Variants in RPS6KB2 observed in about 807,000 individuals in gnomAD.
RPS6KB2 encodes the protein ribosomal protein S6 kinase B2.
RPS6KB2 carries 51 observed loss-of-function variants against 58.2 expected under a neutral mutation model. That is an observed-to-expected ratio of 0.88 (90% CI 0.70 to 1.11). The LOEUF (loss-of-function observed/expected upper bound fraction) is 1.11, where lower values mean the gene tolerates loss of function less well. Among genes scored for constraint, RPS6KB2 ranks in the 50% least tolerant of loss-of-function variants. RPS6KB2 has a pLI of 0.00. For synonymous variants in RPS6KB2, 293 were observed against 258.6 expected, an observed-to-expected ratio of 1.13 and a Z score of -1.28; for missense variants, 671 against 655.8, an observed-to-expected ratio of 1.02 and a Z score of -0.25.
At position 67,435,149 on chromosome 11, in the gene RPS6KB2, C is replaced by A; in HGVS notation, c.1429C>A (p.Arg477Ser). ...PSGTKKSKRG[R>S]GRPGR ...AGGGACCAAGAAGTCCAAGAGGGGC[C>A]GTGGGCGTCCAGGGCGCTAGGAAGC... Residue 477 changes from arginine (R) to serine (S), a missense_variant, in exon 15 of 15, where the codon CGT (arginine) becomes AGT (serine). Physicochemically the swap from Arg to Ser is moderately radical, Grantham distance 110. Coordinates refer to ENST00000312629, the MANE Select transcript of RPS6KB2 (RefSeq NM_003952.3). 1 of 1,589,672 alleles carries A rather than the reference C, an allele frequency of 6.3e-7. No individual in the cohort carries two copies.
At position 67,433,978 on chromosome 11, in the gene RPS6KB2, C is replaced by T; in HGVS notation, c.907-17C>T. The T allele has an allele frequency of 6.2e-7, 1 of 1,614,106 alleles. No individual in the cohort carries two copies. The highest frequency in any genetic ancestry group is 8.5e-7 in the Non-Finnish European group (1 of 1,180,004). On this transcript the variant is annotated splice_polypyrimidine_tract_variant and intron_variant, in intron 10 of 14. Coordinates refer to ENST00000312629, the MANE Select transcript of RPS6KB2 (RefSeq NM_003952.3). Reference sequence around the variant, plus strand: ...CAGTACTTGCCCAGGCCCTCACCCTCTCTCCTGGTCCCGCAGTTTCTGAAA... The same window carrying T: ...CAGTACTTGCCCAGGCCCTCACCCTTTCTCCTGGTCCCGCAGTTTCTGAAA...
At chr11:67,428,934 G>A in intron 1 of RPS6KB2, 48 bp from the exon 2 acceptor site, 1 of 1,611,556 alleles carries the variant, frequency 6.2e-7, no homozygotes, top group Non-Finnish European at 8.5e-7. Context: ...CGGGAGCGGG[G>A]AGGTATCCTG....
In RPS6KB2 at chr11:67,435,179, TG is replaced by T. The variant is rs1864228919; in HGVS notation, c.*15del. On this transcript the variant is annotated 3_prime_UTR_variant, in exon 15 of 15. Transcript: ENST00000312629. ...GCGTCCAGGGCGCTAGGAAGCCGGG[TG>T]GGGGTGAGGGTAGCCCTTGAGCCCT... The T allele has an allele frequency of 6.4e-7, 1 of 1,553,692 alleles. No individual in the cohort carries two copies. The highest frequency in any genetic ancestry group is 8.7e-7 in the Non-Finnish European group (1 of 1,154,540).
Position 67,431,526 on chromosome 11 carries a change from G to A in RPS6KB2, c.457+11G>A, listed in dbSNP as rs149569242. 5.6e-6 allele frequency: 9 copies of A among 1,612,990 alleles called. No homozygotes were observed. The highest frequency in any genetic ancestry group is 2.2e-5 in the South Asian group (2 of 91,024). On this transcript the variant is annotated intron_variant, in intron 5 of 14. Transcript: ENST00000312629. Reference sequence around the variant, plus strand: ...TTGAGTGCCTCAGTGGTATGAGTGCGGGCCCAGGCAGGGGTGCTGGGGGTC... The same window carrying A: ...TTGAGTGCCTCAGTGGTATGAGTGCAGGCCCAGGCAGGGGTGCTGGGGGTC...
In RPS6KB2 at chr11:67,429,583, A is replaced by G; in HGVS notation, c.297A>G (p.Lys99=). 1 of 1,612,342 alleles carries G rather than the reference A, an allele frequency of 6.2e-7. No homozygotes were observed. The highest frequency in any genetic ancestry group is 1.1e-5 in the South Asian group (1 of 90,498). The change falls in exon 4 of 15, where the codon AAA becomes AAG. Residue 99 remains lysine, a synonymous_variant. Transcript: ENST00000312629. The part of the protein sequence containing the change: ...GTNLGKIYAM[K]VLRKAKIVRN... ...ACTTGGGCAAAATATATGCCATGAA[A>G]GTCCTAAGGAAGGTGAGTCACTCGT...
At position 67,434,358 on chromosome 11, in the gene RPS6KB2, C is replaced by A. The variant is rs1171451922; in HGVS notation, c.1048-19C>A. ...ATCTTGGTGCCCTCTGACCCCTCCC[C>A]ACTCTGGTCGGCCCACAGCAGTCAG... On this transcript the variant is annotated intron_variant, in intron 12 of 14. Transcript: ENST00000312629. The A allele has an allele frequency of 1.2e-6, 2 of 1,611,346 alleles. No homozygotes were observed. Among genetic ancestry groups the A allele is most frequent in the South Asian group, 1.1e-5 (1 of 91,068 alleles).
chr11:67,432,493 G>C, intron 5 of RPS6KB2, 107 bp from the exon 6 acceptor site: 1 of 1,191,264 alleles, frequency 8.4e-7, no homozygotes, highest in Non-Finnish European at 1.2e-6. Flanking sequence ...TGTGAGGCAG[G>C]TAGGGCGGGA....
In RPS6KB2 at chr11:67,428,505, G is replaced by C. The variant is rs769183714; in HGVS notation, c.-41G>C. 9 of 1,565,296 alleles carry C rather than the reference G, an allele frequency of 5.7e-6. No homozygotes were observed. The highest frequency in any genetic ancestry group is 2.7e-5 in the African/African-American group (2 of 73,724). ...GGTCCGGGACTGTCAGTCAGTGCGC[G>C]GCCAGGTACGGGCCGACGGGCCCGC... is the stretch of plus-strand genomic sequence containing the variant. On this transcript the variant is annotated 5_prime_UTR_variant, in exon 1 of 15. Coordinates refer to ENST00000312629, the MANE Select transcript of RPS6KB2 (RefSeq NM_003952.3).
intron 10 of RPS6KB2, 37 bp from the exon 11 acceptor site, chr11:67,433,958 C>T (rs745545072): frequency 3.1e-6 from 5 of 1,612,876 alleles, no homozygotes; most frequent in South Asian, 1.1e-5. Flanking sequence ...ATGAGCAGTA[C>T]TTGCCCAGGC....
chr11:67,433,347 T>A lies in RPS6KB2; in HGVS notation c.806T>A (p.Phe269Tyr). ...ACCTTCCTCCTCCTCCAGCCGCCCT[T>A]CACCGCAGAGAACCGGAAGAAAACC... The part of the protein sequence containing the change: ...MYDMLTGSPP[F>Y]TAENRKKTMD... The change falls in exon 10 of 15, where the codon TTC (phenylalanine) becomes TAC (tyrosine). Residue 269 changes from phenylalanine to tyrosine, a missense_variant. Phe to Tyr is a conservative substitution (Grantham distance 22, BLOSUM62 3). Transcript: ENST00000312629. 6.2e-7 allele frequency: 1 copy of A among 1,613,666 alleles called. No homozygotes were observed. The highest frequency in any genetic ancestry group is 1.1e-5 in the South Asian group (1 of 91,072).
intron 3 of RPS6KB2, 123 bp downstream of exon 3, chr11:67,429,363 T>G: frequency 6.8e-7 from 1 of 1,463,490 alleles, no homozygotes; most frequent in South Asian, 1.2e-5. Context: ...GCCAGAAACA[T>G]AAAGGAGGGA....
chr11:67,433,226 G>GC lies in RPS6KB2; in HGVS notation c.798+15dup, dbSNP rs1864103279. On this transcript the variant is annotated intron_variant, in intron 9 of 14. Coordinates refer to ENST00000312629, the MANE Select transcript of RPS6KB2 (RefSeq NM_003952.3). ...CATGCTCACTGGATCGGCAAGTCCA[G>GC]CCCCCGGGGAGGAGGAGGGGCAGGG... The GC allele has an allele frequency of 6.2e-7, 1 of 1,606,956 alleles. No homozygotes were observed. Among genetic ancestry groups the GC allele is most frequent in the Non-Finnish European group, 8.5e-7 (1 of 1,179,364 alleles).
chr11:67,432,235 C>A (rs1638588), intron 5 of RPS6KB2: 223,676 of 506,034 alleles, frequency 0.44, 55,247 homozygotes, highest in African/African-American at 0.81. Context: ...CTGTTCTGTT[C>A]TGTTGGGATT....
At chr11:67,430,169 ACT>A (rs1863976570) in intron 4 of RPS6KB2, 1 of 145,432 alleles carries the variant, frequency 6.9e-6, no homozygotes, top group African/African-American at 2.6e-5. Context: ...GCAGTAGTGC[ACT>A]CTCTGCTCAC....
intron 14 of RPS6KB2, 107 bp downstream of exon 14, chr11:67,434,801 C>CGGTT: frequency 9.5e-7 from 1 of 1,047,144 alleles, no homozygotes; most frequent in Non-Finnish European, 1.4e-6. Flanking sequence ...GTGTTGGCTT[C>CGGTT]GGTTGCTGTG....
In RPS6KB2 at chr11:67,432,632, G is replaced by A. The variant is rs777380250; in HGVS notation, c.490G>A (p.Gly164Ser). 1.2e-6 allele frequency: 2 copies of A among 1,614,144 alleles called. No individual in the cohort carries two copies. Among genetic ancestry groups the A allele is most frequent in the Admixed American group, 1.7e-5 (1 of 60,010 alleles). ...GELFTHLERE[G>S]IFLEDTACFY... The stretch of plus-strand genomic sequence containing the variant: ...GCTCTTCACGCATCTGGAGCGAGAG[G>A]GCATCTTCCTGGAAGATACGGCCTG... Residue 164 changes from glycine to serine, a missense_variant, in exon 6 of 15, where the codon GGC becomes AGC. Coordinates refer to ENST00000312629, the MANE Select transcript of RPS6KB2 (RefSeq NM_003952.3).
chr11:67,432,776 C>G lies in RPS6KB2; in HGVS notation c.555C>G (p.Leu185=). The G allele has an allele frequency of 1.9e-6, 3 of 1,614,130 alleles. No individual in the cohort carries two copies. Among genetic ancestry groups the G allele is most frequent in the Non-Finnish European group, 2.5e-6 (3 of 1,180,014 alleles). ...LAEITLALGH[L]HSQGIIYRDL... is the part of the protein sequence containing the mutation. ...AGATCACGCTGGCCCTGGGCCATCT[C>G]CACTCCCAGGGCATCATCTACCGGG... The change falls in exon 7 of 15, where the codon CTC becomes CTG. Residue 185 remains leucine (L), a synonymous_variant. Coordinates refer to ENST00000312629, the MANE Select transcript of RPS6KB2 (RefSeq NM_003952.3).
chr11:67,434,752 A>G, intron 14 of RPS6KB2, 58 bp downstream of exon 14: 1 of 1,383,740 alleles, frequency 7.2e-7, no homozygotes, highest in Non-Finnish European at 1.0e-6. Context: ...GCAGGATGCC[A>G]GCTCCAGCCT....
intron 5 of RPS6KB2, chr11:67,432,092 C>A (rs1017124024): frequency 5.7e-5 from 20 of 349,282 alleles, no homozygotes; most frequent in African/African-American, 3.4e-4. Flanking sequence ...CTGTCCCCTG[C>A]AGGCTGTGAG....
Sources: allele counts gnomAD v4.1 joint callset, GRCh38; gene constraint gnomAD v4.1.1; transcripts MANE v1.5; gene names NCBI Gene and HGNC (gene_info 2026-07-23, HGNC 2026-07-21).